Variants in RBFOX1 observed in about 807,000 individuals in gnomAD.
The protein encoded by RBFOX1 is RNA binding protein fox-1 homolog 1.
RBFOX1 carries 8 observed loss-of-function variants against 57.7 expected under a neutral mutation model. The observed-to-expected ratio is 0.14, with a 90% CI of 0.08 to 0.25. RBFOX1 has a LOEUF of 0.25. Ranked by LOEUF, RBFOX1 falls within the 10% of genes least tolerant of loss-of-function variation. RBFOX1 has a pLI of 1.00. For missense variants in RBFOX1, 611 were observed against 548.5 expected (o/e 1.11, Z -1.14); for synonymous variants, 326 against 222.4 (o/e 1.47, Z -4.15).
rs537816339 is a variant in RBFOX1, at chr16:5,345,019, C to T, written c.219+104914C>T. Reference sequence around the variant, plus strand: ...ACCTCCCTGCCCTTTGCAGGCACCACGTGGCATCTGTCTAGTTCTTCTGTT... The same window carrying T: ...ACCTCCCTGCCCTTTGCAGGCACCATGTGGCATCTGTCTAGTTCTTCTGTT... On this transcript the variant is annotated intron_variant, in intron 1 of 2. Transcript: ENST00000585867. Among the ~76,000 whole-genome samples, 19 of 152,362 alleles carry T rather than the reference C, an allele frequency of 1.2e-4. 1 individual carries two copies. Among genetic ancestry groups the T allele is most frequent in the African/African-American group, 3.8e-4 (16 of 41,584 alleles).
At chr16:6,848,544 G>C (rs1435490950) in intron 3 of RBFOX1, among the ~76,000 whole-genome samples, 1 of 150,512 alleles carries the variant, frequency 6.6e-6, no homozygotes, top group Admixed American at 6.7e-5. Flanking sequence ...TGGATATATA[G>C]AAAAAGAAAA....
At chr16:6,346,354 C>A (rs2085360189) in intron 2 of RBFOX1, among the ~76,000 whole-genome samples, 1 of 152,168 alleles carries the variant, frequency 6.6e-6, no homozygotes, top group Non-Finnish European at 1.5e-5. Flanking sequence ...AGTTAACAAA[C>A]TACAGCCTAA....
At chr16:6,271,954 CT>C (rs2075267324) in intron 1 of RBFOX1, among the ~76,000 whole-genome samples, 1 of 151,914 alleles carries the variant, frequency 6.6e-6, no homozygotes, top group African/African-American at 2.4e-5. Context: ...TTTTATAAAG[CT>C]AGAATTACCC....
intron 3 of RBFOX1, among the ~76,000 whole-genome samples, chr16:6,749,519 A>G (rs1464848332): frequency 6.6e-6 from 1 of 152,130 alleles, no homozygotes; most frequent in Non-Finnish European, 1.5e-5. Context: ...GGTTCTGGGG[A>G]TTTGAACTAA....
intron 3 of RBFOX1, among the ~76,000 whole-genome samples, chr16:6,829,690 C>T (rs1351759946): frequency 3.3e-5 from 5 of 152,130 alleles, no homozygotes; most frequent in Admixed American, 6.5e-5. Flanking sequence ...CAACCTCCGT[C>T]TCCTGGGTTC....
intron 1 of RBFOX1, among the ~76,000 whole-genome samples, chr16:6,027,006 C>T (rs1466423431): frequency 6.6e-6 from 1 of 152,224 alleles, no homozygotes; most frequent in African/African-American, 2.4e-5. Context: ...TAGATCTTTG[C>T]CAGCATAATG....
At chr16:6,475,768 C>G (rs1052226206) in intron 2 of RBFOX1, among the ~76,000 whole-genome samples, 2 of 152,044 alleles carry the variant, frequency 1.3e-5, no homozygotes, top group Non-Finnish European at 2.9e-5. Context: ...TTGTGCTTTT[C>G]TACAGGAAAA....
intron 2 of RBFOX1, among the ~76,000 whole-genome samples, chr16:6,395,098 A>T (rs1418428238): frequency 1.3e-5 from 2 of 152,220 alleles, no homozygotes; most frequent in Admixed American, 1.3e-4. Context: ...CAAGACTCTG[A>T]CCATGTCACT....
intron 11 of RBFOX1, among the ~76,000 whole-genome samples, chr16:7,637,688 G>A (rs763164511): frequency 5.9e-5 from 9 of 152,106 alleles, no homozygotes; most frequent in Non-Finnish European, 8.8e-5. Flanking sequence ...AAAGAATTGT[G>A]TCTTCTTTTT....
At chr16:6,431,492 C>G (rs1192521393) in intron 2 of RBFOX1, among the ~76,000 whole-genome samples, 1 of 152,002 alleles carries the variant, frequency 6.6e-6, no homozygotes, top group Non-Finnish European at 1.5e-5. Flanking sequence ...GACCAGGTAT[C>G]TGAGTAAATG....
At chr16:7,054,753 A>G (rs972573188) in intron 4 of RBFOX1, among the ~76,000 whole-genome samples, 2 of 152,192 alleles carry the variant, frequency 1.3e-5, no homozygotes, top group African/African-American at 4.8e-5. Context: ...GCAGCAGTCA[A>G]AATGCATTTC....
At chr16:5,847,222 A>G (rs549800645) in intron 3 of RBFOX1, among the ~76,000 whole-genome samples, 16 of 152,226 alleles carry the variant, frequency 1.1e-4, no homozygotes, top group African/African-American at 3.9e-4. Context: ...AGCATTTTGG[A>G]GAAGACGCTG....
At chr16:6,742,954 C>G (rs1226412360) in intron 3 of RBFOX1, among the ~76,000 whole-genome samples, 1 of 152,074 alleles carries the variant, frequency 6.6e-6, no homozygotes, top group Non-Finnish European at 1.5e-5. Context: ...TAAACTTATA[C>G]AAACACACTT....
intron 4 of RBFOX1, among the ~76,000 whole-genome samples, chr16:7,140,182 CT>C (rs2073337433): frequency 6.9e-6 from 1 of 145,014 alleles, no homozygotes; most frequent in South Asian, 2.2e-4. Flanking sequence ...CTCTCTCTCT[CT>C]CTCTCTCTCT....
intron 2 of RBFOX1, among the ~76,000 whole-genome samples, chr16:5,592,924 C>A (rs1253469689): frequency 6.6e-6 from 1 of 152,152 alleles, no homozygotes; most frequent in East Asian, 1.9e-4. Context: ...GGGGCCAGAG[C>A]AACTCCATCT....
chr16:6,406,348 G>A (rs1169558362), intron 2 of RBFOX1, among the ~76,000 whole-genome samples: 1 of 50,590 alleles, frequency 2.0e-5, no homozygotes, highest in Admixed American at 2.2e-4. Flanking sequence ...CTCCATAGAA[G>A]ATGTTAGACA....
intron 2 of RBFOX1, among the ~76,000 whole-genome samples, chr16:6,614,869 ACT>A (rs1195654452): frequency 6.6e-6 from 1 of 151,648 alleles, no homozygotes; most frequent in Non-Finnish European, 1.5e-5. Flanking sequence ...TAATAAAGTG[ACT>A]CTGTGTTTGA....
At chr16:6,504,846 G>A (rs759329962) in intron 2 of RBFOX1, among the ~76,000 whole-genome samples, 1 of 151,986 alleles carries the variant, frequency 6.6e-6, no homozygotes, top group Non-Finnish European at 1.5e-5. Flanking sequence ...ACGAGGTCAG[G>A]AGTTCAAGAC....
chr16:5,996,934 A>G (rs12709148), intron 4 of RBFOX1, among the ~76,000 whole-genome samples: 104,547 of 150,782 alleles, frequency 0.69, 36,668 homozygotes, highest in Middle Eastern at 0.74. Context: ...CATCAACCTA[A>G]TAGTTCGTCC....
Sources: allele counts gnomAD v4.1 joint callset (sites outside exome capture counted in the v4.1 genomes callset), GRCh38; gene constraint gnomAD v4.1.1; transcripts MANE v1.5; gene names NCBI Gene and HGNC (gene_info 2026-07-23, HGNC 2026-07-21).